The following AVEN variants were observed in gnomAD, a reference collection of about 807,000 sequenced individuals.
The protein encoded by AVEN is cell death regulator Aven.
AVEN carries 41 observed loss-of-function variants against 38.1 expected under a neutral mutation model. That is an observed-to-expected ratio of 1.08 (90% confidence interval 0.84 to 1.40). AVEN has a LOEUF of 1.40. Among genes scored for constraint, AVEN ranks in the 40% most tolerant of loss-of-function variants. The pLI, the probability that AVEN is intolerant of heterozygous loss-of-function variation, is 0.00. For synonymous variants in AVEN, 206 were observed against 171.8 expected (o/e 1.20, Z -1.56); for missense variants, 605 against 438.8 (o/e 1.38, Z -3.38).
downstream of AVEN, chr15:33,864,339 C>G (rs1421882362): frequency 9.7e-6 from 6 of 616,778 alleles, no homozygotes; most frequent in African/African-American, 9.3e-5. Flanking sequence ...CAATAAGAAG[C>G]CAAAGTCCTC....
At chr15:34,042,176 T>G (rs1597382745), upstream of AVEN, among the ~76,000 whole-genome samples, 1 of 152,320 alleles carries the variant, frequency 6.6e-6, no homozygotes, top group African/African-American at 2.4e-5. Flanking sequence ...GACCTTTGGA[T>G]TGCATAAATA....
chr15:34,033,287 C>A (rs532258092), intron 1 of AVEN, among the ~76,000 whole-genome samples: 1 of 152,228 alleles, frequency 6.6e-6, no homozygotes, highest in Non-Finnish European at 1.5e-5. Flanking sequence ...GGGCGGACTG[C>A]CTGACCTCAG....
chr15:34,008,917 A>C (rs2140654679), intron 1 of AVEN, among the ~76,000 whole-genome samples: 2 of 128,320 alleles, frequency 1.6e-5, no homozygotes, highest in Middle Eastern at 4.5e-3. Flanking sequence ...CATTTTGTTA[A>C]GATAAAATTA....
At chr15:33,914,237 C>T (rs2153046063) in intron 2 of AVEN, among the ~76,000 whole-genome samples, 1 of 151,834 alleles carries the variant, frequency 6.6e-6, no homozygotes, top group East Asian at 1.9e-4. Flanking sequence ...TAAAAATAAA[C>T]ATACAGTAGC....
At chr15:33,862,887 A>G (rs923019890), downstream of AVEN, among the ~76,000 whole-genome samples, 3 of 152,188 alleles carry the variant, frequency 2.0e-5, no homozygotes, top group Non-Finnish European at 4.4e-5. Context: ...AAAGTGCTGG[A>G]ATTAGAGGCG....
chr15:34,072,076 G>A (rs1900637796), intron 1 of AVEN, among the ~76,000 whole-genome samples: 2 of 151,066 alleles, frequency 1.3e-5, no homozygotes, highest in African/African-American at 4.9e-5. Context: ...GATCAGCCTG[G>A]GCAACATAGC....
At chr15:33,918,837 G>A (rs894349205) in intron 2 of AVEN, among the ~76,000 whole-genome samples, 5 of 151,674 alleles carry the variant, frequency 3.3e-5, no homozygotes, top group Non-Finnish European at 5.9e-5. Context: ...CAATGTGAAG[G>A]AAATTAATCT....
At chr15:33,916,912 C>T (rs1893159380) in intron 2 of AVEN, among the ~76,000 whole-genome samples, 2 of 152,118 alleles carry the variant, frequency 1.3e-5, no homozygotes, top group South Asian at 4.1e-4. Flanking sequence ...CAAACACACC[C>T]TTCTTCACAT....
chr15:33,898,882 T>C (rs372916632), intron 2 of AVEN, among the ~76,000 whole-genome samples: 5 of 152,072 alleles, frequency 3.3e-5, no homozygotes, highest in Non-Finnish European at 5.9e-5. Context: ...TATTCAAAAA[T>C]AGTATTTGAA....
chr15:33,977,541 T>C (rs1454295298), intron 2 of AVEN, among the ~76,000 whole-genome samples: 3 of 152,340 alleles, frequency 2.0e-5, no homozygotes, highest in Admixed American at 2.0e-4. Flanking sequence ...GTGGCCTCAC[T>C]GAGCACCATT....
intron 4 of AVEN, among the ~76,000 whole-genome samples, chr15:33,869,060 A>T (rs1186093007): frequency 6.6e-6 from 1 of 152,202 alleles, no homozygotes; most frequent in East Asian, 1.9e-4. Flanking sequence ...TTACATAAAC[A>T]TCCTGAGCAG....
intron 2 of AVEN, among the ~76,000 whole-genome samples, chr15:33,892,155 A>T (rs1437661005): frequency 6.6e-6 from 1 of 151,830 alleles, no homozygotes; most frequent in Admixed American, 6.6e-5. Flanking sequence ...GATTGCAAAA[A>T]TTTTCTCCGA....
intron 2 of AVEN, among the ~76,000 whole-genome samples, chr15:33,913,158 G>A (rs1892984200): frequency 6.6e-6 from 1 of 152,170 alleles, no homozygotes; most frequent in South Asian, 2.1e-4. Flanking sequence ...CAAAGTGTAG[G>A]GATTACAGGC....
intron 1 of AVEN, among the ~76,000 whole-genome samples, chr15:34,022,807 G>A (rs912081526): frequency 6.6e-6 from 1 of 152,218 alleles, no homozygotes; most frequent in African/African-American, 2.4e-5. Flanking sequence ...CTGGCTGGAA[G>A]GATGAGATTT....
At chr15:34,042,553 A>G (rs1392965650), upstream of AVEN, among the ~76,000 whole-genome samples, 2 of 151,820 alleles carry the variant, frequency 1.3e-5, no homozygotes, top group East Asian at 1.9e-4. Context: ...GGCATGCACC[A>G]CCACGCCCGG....
chr15:34,017,015 A>ATCCCTGT (rs200358414), intron 1 of AVEN, among the ~76,000 whole-genome samples: 94,969 of 151,738 alleles, frequency 0.63, 34,732 homozygotes, highest in Non-Finnish European at 0.82. Context: ...CCTGTAGTCC[A>ATCCCTGT]AGCTACTCAG....
chr15:33,983,526 G>C (rs934096538), intron 2 of AVEN, among the ~76,000 whole-genome samples: 1 of 152,072 alleles, frequency 6.6e-6, no homozygotes. Flanking sequence ...TTGACCTCTT[G>C]TCCAAGGCAA....
the AVEN span, chr15:33,853,029 T>C: frequency 3.7e-6 from 6 of 1,600,768 alleles, no homozygotes; most frequent in East Asian, 2.2e-5. Context: ...CCAACCTTTT[T>C]CGTTTTGTTT....
chr15:34,014,868 A>C (rs1897813625), intron 1 of AVEN, among the ~76,000 whole-genome samples: 1 of 152,224 alleles, frequency 6.6e-6, no homozygotes, highest in Non-Finnish European at 1.5e-5. Context: ...ACTCTGAAGA[A>C]AAACTCCTGG....
Sources: allele counts gnomAD v4.1 joint callset (sites outside exome capture counted in the v4.1 genomes callset), GRCh38; gene constraint gnomAD v4.1.1; transcripts MANE v1.5; gene names NCBI Gene and HGNC (gene_info 2026-07-23, HGNC 2026-07-21).